The following DHX36 variants were observed in gnomAD, a reference collection of about 807,000 sequenced individuals.
DHX36 encodes ATP-dependent DNA/RNA helicase DHX36.
In DHX36, 50 loss-of-function variants were observed where a neutral mutation model predicts 139.0. That is an observed-to-expected ratio of 0.36 (90% CI 0.29 to 0.46). The LOEUF (loss-of-function observed/expected upper bound fraction) is 0.46, where lower values mean the gene tolerates loss of function less well. DHX36 is among the 20% of genes least tolerant of loss of function. DHX36 has a pLI of 1.00. For missense variants in DHX36, 1,024 were observed against 1,211.3 expected, an observed-to-expected ratio of 0.85 and a Z score of 2.29; for synonymous variants, 425 against 401.9, an observed-to-expected ratio of 1.06 and a Z score of -0.69.
Position 154,309,789 on chromosome 3 carries a change from G to A in DHX36, c.677C>T (p.Thr226Ile), listed in dbSNP as rs149886314. The A allele has an allele frequency of 6.2e-7, 1 of 1,608,878 alleles. No homozygotes were observed. The highest frequency in any genetic ancestry group is 8.5e-7 in the Non-Finnish European group (1 of 1,177,928). Reference sequence around the variant, plus strand: ...ACAACCAGTTTCACCACTTATTACTGTTACCTGATGGTTATCAATTAAATT... The same window carrying A: ...ACAACCAGTTTCACCACTTATTACTATTACCTGATGGTTATCAATTAAATT... ...LVNLIDNHQV[T>I]VISGETGCGK... The change falls in exon 5 of 25, where the codon ACA (threonine) becomes ATA (isoleucine). Residue 226 changes from threonine (T) to isoleucine (I), a missense_variant. Physicochemically the swap from Thr to Ile is moderately conservative, Grantham distance 89. This residue lies in a region of DHX36 where 146 missense variants were observed against 215.0 expected (regional missense o/e 0.68). Transcript: ENST00000496811.
chr3:154,310,702 C>T (rs1007951136), intron 4 of DHX36, among the ~76,000 whole-genome samples: 2 of 139,172 alleles, frequency 1.4e-5, no homozygotes, highest in African/African-American at 5.4e-5. Flanking sequence ...CGCTTGAACC[C>T]GAGAGTCGGG....
intron 3 of DHX36, among the ~76,000 whole-genome samples, chr3:154,313,669 G>C (rs1012107443): frequency 2.0e-5 from 3 of 152,148 alleles, no homozygotes; most frequent in African/African-American, 7.2e-5. Flanking sequence ...GACAGAGTGA[G>C]ACCCTGTCTT....
chr3:154,277,874 C>CA (rs1719202039), intron 22 of DHX36, 156 bp from the exon 23 acceptor site: 4 of 579,674 alleles, frequency 6.9e-6, no homozygotes, highest in South Asian at 5.5e-5. Flanking sequence ...TTTATTTTTG[C>CA]AAAAAAATAT....
chr3:154,318,917 G>A (rs355772), intron 1 of DHX36, among the ~76,000 whole-genome samples: 60,602 of 151,990 alleles, frequency 0.4, 12,190 homozygotes, highest in East Asian at 0.46. Context: ...ATGTGCCCCA[G>A]AGAAGTCTGT....
chr3:154,281,914 C>T (rs1004453631), intron 20 of DHX36, among the ~76,000 whole-genome samples: 1 of 152,080 alleles, frequency 6.6e-6, no homozygotes, highest in African/African-American at 2.4e-5. Flanking sequence ...CATGCACTCT[C>T]CATTCCTGAA....
chr3:154,282,990 T>C (rs1347038959), intron 20 of DHX36, among the ~76,000 whole-genome samples, 198 bp downstream of exon 20: 1 of 152,180 alleles, frequency 6.6e-6, no homozygotes, highest in Non-Finnish European at 1.5e-5. Flanking sequence ...CTTGCTCTTA[T>C]CCTCTGGAAC....
intron 1 of DHX36, among the ~76,000 whole-genome samples, chr3:154,318,191 C>A (rs1713058006): frequency 6.6e-6 from 1 of 152,008 alleles, no homozygotes; most frequent in African/African-American, 2.4e-5. Context: ...TATGAGAAAT[C>A]AGTGATAAAA....
At chr3:154,297,267 T>C (rs772960851) in intron 12 of DHX36, among the ~76,000 whole-genome samples, 3 of 152,208 alleles carry the variant, frequency 2.0e-5, no homozygotes, top group Non-Finnish European at 1.5e-5. Context: ...AAGGATTAGG[T>C]ATGATAAAGA....
chr3:154,295,820 T>G (rs1214689110), intron 12 of DHX36, among the ~76,000 whole-genome samples: 1 of 152,228 alleles, frequency 6.6e-6, no homozygotes, highest in Non-Finnish European at 1.5e-5. Context: ...TGTTGCCCGT[T>G]GCTGTGGTGT....
chr3:154,284,738 A>C (rs1225496609), intron 18 of DHX36, 69 bp from the exon 19 acceptor site: 159 of 1,593,014 alleles, frequency 1.0e-4, no homozygotes, highest in Non-Finnish European at 1.3e-4. Flanking sequence ...ATTCTAATAA[A>C]ACGCTAATGA....
At chr3:154,285,068 T>G in intron 17 of DHX36, 81 bp from the exon 18 acceptor site, 1 of 1,413,928 alleles carries the variant, frequency 7.1e-7, no homozygotes. Flanking sequence ...TTAAAAAGAG[T>G]AACAAGCCAC....
At chr3:154,281,771 T>A (rs550450937) in intron 20 of DHX36, among the ~76,000 whole-genome samples, 5 of 152,158 alleles carry the variant, frequency 3.3e-5, no homozygotes, top group Non-Finnish European at 5.9e-5. Flanking sequence ...ACCTCCTGGT[T>A]TTTACTGCCA....
At chr3:154,300,730 TAATC>T in intron 10 of DHX36, 34 bp from the exon 11 acceptor site, 8 of 1,538,384 alleles carry the variant, frequency 5.2e-6, no homozygotes, top group South Asian at 1.2e-5. Context: ...ATGAAATACT[TAATC>T]AAGTTTTCTG....
At chr3:154,310,777 CAAAAAAAAA>C (rs1170929249) in intron 4 of DHX36, among the ~76,000 whole-genome samples, 16 of 4,560 alleles carry the variant, frequency 3.5e-3, no homozygotes, top group African/African-American at 8.5e-3. Context: ...GACTCCCTCT[CAAAAAAAAA>C]AAAAAAAAAA....
intron 12 of DHX36, among the ~76,000 whole-genome samples, chr3:154,295,605 T>C (rs931000586): frequency 1.3e-5 from 2 of 152,196 alleles, no homozygotes; most frequent in Non-Finnish European, 2.9e-5. Flanking sequence ...CGCTCCAAGT[T>C]CAAGCTAACA....
chr3:154,293,208 T>C lies in DHX36; in HGVS notation c.1671-514A>G, dbSNP rs567612120. On this transcript the variant is annotated intron_variant, in intron 14 of 24. Transcript: ENST00000496811. ...AAATTTACCTCAGCTCCCATGCTTC[T>C]TTAGGAAAACAAAACAAACAAAAAC... 2.6e-5 allele frequency among the ~76,000 whole-genome samples: 4 copies of C among 152,236 alleles called. No individual in the cohort carries two copies. In the East Asian group the frequency reaches 7.7e-4, roughly 29 times the overall value.
intron 1 of DHX36, among the ~76,000 whole-genome samples, chr3:154,317,474 A>G (rs1186447349): frequency 6.6e-6 from 1 of 152,100 alleles, no homozygotes; most frequent in African/African-American, 2.4e-5. Context: ...GGACAGACGG[A>G]TGACCAAGTC....
chr3:154,314,332 T>A (rs1259011960), intron 3 of DHX36, among the ~76,000 whole-genome samples: 1 of 152,210 alleles, frequency 6.6e-6, no homozygotes, highest in African/African-American at 2.4e-5. Context: ...TCAGCTTTCA[T>A]CAGTGAGCCA....
intron 12 of DHX36, among the ~76,000 whole-genome samples, chr3:154,299,274 A>G (rs1222003724): frequency 2.0e-5 from 3 of 152,262 alleles, no homozygotes; most frequent in Non-Finnish European, 4.4e-5. Flanking sequence ...TCCATCTCAA[A>G]ATAAAAAAAT....
Sources: allele counts gnomAD v4.1 joint callset (sites outside exome capture counted in the v4.1 genomes callset), GRCh38; gene constraint gnomAD v4.1.1; regional missense constraint gnomAD v4.1.1; transcripts MANE v1.5; gene names NCBI Gene and HGNC (gene_info 2026-07-23, HGNC 2026-07-21).